The following SEC24B variants were observed in gnomAD, a reference collection of about 807,000 sequenced individuals.
The protein encoded by SEC24B is protein transport protein Sec24B.
In SEC24B, 45 loss-of-function variants were observed where a neutral mutation model predicts 142.8. The observed-to-expected ratio is 0.32, with a 90% CI of 0.25 to 0.40. The LOEUF is 0.40. SEC24B is among the 10% of genes least tolerant of loss of function. The pLI, the probability that SEC24B is intolerant of heterozygous loss-of-function variation, is 1.00. For missense variants in SEC24B, 1,409 were observed against 1,526.8 expected (o/e 0.92, Z 1.29); for synonymous variants, 574 against 568.2 (o/e 1.01, Z -0.15).
At chr4:109,454,081 C>G (rs1257168546) in intron 1 of SEC24B, among the ~76,000 whole-genome samples, 2 of 152,148 alleles carry the variant, frequency 1.3e-5, no homozygotes, top group Non-Finnish European at 2.9e-5. Context: ...TGGTCTCGAA[C>G]TCCTGACCTC....
intron 1 of SEC24B, among the ~76,000 whole-genome samples, chr4:109,434,339 G>T (rs1015121419): frequency 3.9e-5 from 6 of 152,154 alleles, no homozygotes; most frequent in African/African-American, 1.4e-4. Context: ...GGGAGCCCAC[G>T]TAGTAAAACC....
intron 7 of SEC24B, among the ~76,000 whole-genome samples, chr4:109,508,150 G>A (rs561014641): frequency 6.0e-4 from 91 of 152,286 alleles, no homozygotes; most frequent in African/African-American, 2.1e-3. Flanking sequence ...AATACAGAGT[G>A]TCATGGATTA....
At position 109,513,770 on chromosome 4, in the gene SEC24B, C is replaced by A. The variant is rs1209495070; in HGVS notation, c.1927C>A (p.Pro643Thr). 6.2e-7 allele frequency: 1 copy of A among 1,611,614 alleles called. No homozygotes were observed. The highest frequency in any genetic ancestry group is 1.3e-5 in the African/African-American group (1 of 74,768). Residue 643 changes from proline to threonine, a missense_variant, in exon 10 of 24, where the codon CCC becomes ACC. Transcript: ENST00000265175. The part of the protein sequence containing the change: ...NDVPEEFMYN[P>T]LTRSYGEPHK... ...AGTTCCTGAAGAATTTATGTATAAC[C>A]CCCTTACCCGATCTTATGGAGAGCC... is the stretch of plus-strand genomic sequence containing the variant.
intron 1 of SEC24B, 71 bp downstream of exon 1, chr4:109,434,073 C>T (rs1728131724): frequency 2.1e-6 from 2 of 969,138 alleles, no homozygotes; most frequent in South Asian, 4.8e-5. Flanking sequence ...CACATCGGGG[C>T]GGGGCGGGCC....
At chr4:109,472,174 C>G (rs1237275918) in intron 2 of SEC24B, among the ~76,000 whole-genome samples, 1 of 152,188 alleles carries the variant, frequency 6.6e-6, no homozygotes, top group Non-Finnish European at 1.5e-5. Context: ...TACACACACA[C>G]TATACATAGA....
chr4:109,453,113 A>G (rs905470284), intron 1 of SEC24B, among the ~76,000 whole-genome samples: 1 of 152,186 alleles, frequency 6.6e-6, no homozygotes, highest in African/African-American at 2.4e-5. Flanking sequence ...CAATTTTCAA[A>G]GGGGAGGGAG....
In SEC24B at chr4:109,506,403, C is replaced by T. The variant is rs1736692733; in HGVS notation, c.1564C>T (p.Leu522=). The change falls in exon 7 of 24, where the codon CTG becomes TTG. Residue 522 remains leucine (L), a synonymous_variant. Transcript: ENST00000265175. ...TCAGAGTTCTCCACAACCAGAAAGC[C>T]TGAGACCTGTAAACCTTACTCAGGA... ...SLQSSPQPES[L]RPVNLTQERN... is the part of the protein sequence containing the mutation. The T allele has an allele frequency of 1.2e-6, 2 of 1,610,968 alleles. No individual in the cohort carries two copies. Among genetic ancestry groups the T allele is most frequent in the South Asian group, 2.2e-5 (2 of 90,616 alleles).
intron 3 of SEC24B, among the ~76,000 whole-genome samples, chr4:109,477,553 C>T (rs1316347799): frequency 6.6e-6 from 1 of 151,946 alleles, no homozygotes; most frequent in Non-Finnish European, 1.5e-5. Context: ...CTTGAACTCC[C>T]AGGCTCGAGT....
intron 6 of SEC24B, among the ~76,000 whole-genome samples, chr4:109,500,097 GA>G (rs1322406153): frequency 6.6e-6 from 1 of 152,046 alleles, no homozygotes; most frequent in Non-Finnish European, 1.5e-5. Flanking sequence ...AGTTTAAAAG[GA>G]AAAAAATTTA....
chr4:109,500,505 G>C (rs1448639555), intron 6 of SEC24B, among the ~76,000 whole-genome samples: 1 of 143,980 alleles, frequency 6.9e-6, no homozygotes, highest in Non-Finnish European at 1.5e-5. Context: ...AATTGCAGCA[G>C]TGCACACCAG....
At chr4:109,437,137 C>CT (rs928977235) in intron 1 of SEC24B, among the ~76,000 whole-genome samples, 2 of 152,138 alleles carry the variant, frequency 1.3e-5, no homozygotes, top group Non-Finnish European at 2.9e-5. Context: ...GGATCCGAGT[C>CT]TAACTTCAGG....
chr4:109,437,465 A>G (rs766450907), intron 1 of SEC24B, among the ~76,000 whole-genome samples: 14 of 151,268 alleles, frequency 9.3e-5, no homozygotes, highest in African/African-American at 1.5e-4. Flanking sequence ...TTTTATTTTT[A>G]TTTTTGTAGA....
At position 109,462,982 on chromosome 4, in the gene SEC24B, C is replaced by T; in HGVS notation, c.215C>T (p.Ser72Phe). 1.9e-6 allele frequency: 3 copies of T among 1,614,036 alleles called. No individual in the cohort carries two copies. The highest frequency in any genetic ancestry group is 2.2e-5 in the East Asian group (1 of 44,890). ...QNYIAPSGHY[S>F]QGPGKMTSLP... ...TATATTGCTCCCTCAGGACATTACT[C>T]TCAAGGACCTGGGAAAATGACCTCA... The change falls in exon 2 of 24, where the codon TCT becomes TTT. Residue 72 changes from serine (S) to phenylalanine (F), a missense_variant. By Grantham distance (155) the Ser-to-Phe change is radical. This residue lies in a region of SEC24B where 709 missense variants were observed against 673.5 expected (regional missense o/e 1.05). Transcript: ENST00000265175.
chr4:109,479,637 GTT>G (rs1733529797), intron 3 of SEC24B, among the ~76,000 whole-genome samples: 1 of 151,678 alleles, frequency 6.6e-6, no homozygotes, highest in Non-Finnish European at 1.5e-5. Flanking sequence ...GTCTCACTAT[GTT>G]GCCCAGGCTG....
In SEC24B at chr4:109,530,025, T is replaced by C. The variant is rs141876895; in HGVS notation, c.3077-264T>C. Among the ~76,000 whole-genome samples the C allele has an allele frequency of 3.3e-3, 500 of 152,286 alleles. 5 individuals carry two copies. Among genetic ancestry groups the C allele is most frequent in the African/African-American group, 0.011 (452 of 41,572 alleles). On this transcript the variant is annotated intron_variant, in intron 18 of 23. Coordinates refer to ENST00000265175, the MANE Select transcript of SEC24B (RefSeq NM_006323.5). ...CTGGGATTACAGGCATGAGCCACCATGTCCAGCCTGGCTAAATGTTTTTAG... is the reference window on the plus strand; with the variant it reads ...CTGGGATTACAGGCATGAGCCACCACGTCCAGCCTGGCTAAATGTTTTTAG...
At chr4:109,496,560 T>C (rs975431940) in intron 6 of SEC24B, among the ~76,000 whole-genome samples, 1 of 152,222 alleles carries the variant, frequency 6.6e-6, no homozygotes, top group African/African-American at 2.4e-5. Flanking sequence ...CATGTAGTTC[T>C]AGCTACTCAA....
At chr4:109,508,407 A>G (rs1736952395) in intron 7 of SEC24B, among the ~76,000 whole-genome samples, 1 of 151,996 alleles carries the variant, frequency 6.6e-6, no homozygotes. Context: ...TCCTCCAAAA[A>G]AACAAAAAAA....
chr4:109,516,272 C>T (rs561350604), intron 10 of SEC24B, among the ~76,000 whole-genome samples: 18 of 152,132 alleles, frequency 1.2e-4, no homozygotes, highest in Non-Finnish European at 2.1e-4. Context: ...GCCAACACTC[C>T]TTATCAGAAA....
intron 2 of SEC24B, among the ~76,000 whole-genome samples, chr4:109,463,990 A>G (rs1191345607): frequency 6.6e-6 from 1 of 152,134 alleles, no homozygotes; most frequent in Non-Finnish European, 1.5e-5. Context: ...TCTCTTTTAT[A>G]CTAGTTCAAC....
Sources: gnomAD v4.1 joint callset for allele counts (sites outside exome capture counted in the v4.1 genomes callset) on GRCh38, gnomAD v4.1.1 for gene constraint, gnomAD v4.1.1 regional missense constraint, MANE v1.5 for transcripts, NCBI Gene and HGNC (gene_info 2026-07-23, HGNC 2026-07-21) for gene names.